The following UMAD1 variants were observed in gnomAD, a reference collection of about 807,000 sequenced individuals.
UMAD1 encodes UBAP1-MVB12-associated (UMA)-domain containing protein 1.
In UMAD1, 8 loss-of-function variants were observed where a neutral mutation model predicts 6.1. The observed-to-expected ratio is 1.30, with a 90% confidence interval of 0.76 to 2.35. UMAD1 has a LOEUF of 2.35. UMAD1 is among the 30% of genes most tolerant of loss of function. UMAD1 has a pLI of 0.00. For missense variants in UMAD1, 130 were observed against 78.4 expected (o/e 1.66, Z -2.49); for synonymous variants, 56 against 31.4 (o/e 1.78, Z -2.61).
chr7:7,754,087 G>C (rs537554134), intron 2 of UMAD1, among the ~76,000 whole-genome samples: 2 of 152,042 alleles, frequency 1.3e-5, no homozygotes, highest in East Asian at 1.9e-4. Flanking sequence ...CAGGAGGCTG[G>C]GGCAGGAGAA....
intron 2 of UMAD1, among the ~76,000 whole-genome samples, chr7:7,730,593 A>G (rs62432611): frequency 0.078 from 11,924 of 152,280 alleles, 555 homozygotes; most frequent in South Asian, 0.12. Flanking sequence ...TTCAAAAGGT[A>G]CACTAGGTGT....
chr7:7,874,790 A>G (rs1436649400), intron 3 of UMAD1, among the ~76,000 whole-genome samples: 2 of 152,212 alleles, frequency 1.3e-5, no homozygotes, highest in African/African-American at 2.4e-5. Flanking sequence ...AGAAATAAGG[A>G]TAGTGATTGA....
chr7:7,747,123 T>C (rs1271382107), intron 2 of UMAD1, among the ~76,000 whole-genome samples: 1 of 152,140 alleles, frequency 6.6e-6, no homozygotes, highest in African/African-American at 2.4e-5. Flanking sequence ...GAAATAGTAA[T>C]GAGATACTTT....
intron 1 of UMAD1, among the ~76,000 whole-genome samples, chr7:7,666,165 C>T (rs1470004483): frequency 6.6e-6 from 1 of 150,642 alleles, no homozygotes; most frequent in African/African-American, 2.4e-5. Context: ...TGCCCTTTGC[C>T]AACACTTGGG....
rs1470344642 is a variant in UMAD1, at chr7:7,875,035, A to T, written c.157-2246A>T. Among the ~76,000 whole-genome samples, 3 of 152,116 alleles carry T rather than the reference A, an allele frequency of 2.0e-5. No individual in the cohort carries two copies. In the East Asian group the frequency reaches 5.8e-4, roughly 29 times the overall value. On this transcript the variant is annotated intron_variant, in intron 3 of 3. Transcript: ENST00000682710. ...GTGATCTGCCCACCTTAACCTCCCAAAGTGCTGGGATTACAGGCGTGAGCC... is the reference window on the plus strand; with the variant it reads ...GTGATCTGCCCACCTTAACCTCCCATAGTGCTGGGATTACAGGCGTGAGCC...
chr7:7,788,069 T>A (rs928373312), intron 2 of UMAD1, among the ~76,000 whole-genome samples: 2 of 152,210 alleles, frequency 1.3e-5, no homozygotes, highest in African/African-American at 4.8e-5. Context: ...TTGGTGCCAG[T>A]CACTTTACCA....
chr7:7,761,895 C>T (rs1781897507), intron 2 of UMAD1, among the ~76,000 whole-genome samples: 1 of 152,146 alleles, frequency 6.6e-6, no homozygotes, highest in Non-Finnish European at 1.5e-5. Flanking sequence ...GCTTCTTATC[C>T]GTCTCCTTTG....
chr7:7,865,006 G>C (rs1386408946), intron 3 of UMAD1, among the ~76,000 whole-genome samples: 2 of 152,216 alleles, frequency 1.3e-5, no homozygotes, highest in Non-Finnish European at 2.9e-5. Flanking sequence ...GGTCCCGGAA[G>C]GGGTGTGGGA....
chr7:7,790,949 G>A (rs1348612108), intron 2 of UMAD1, among the ~76,000 whole-genome samples: 2 of 152,148 alleles, frequency 1.3e-5, no homozygotes, highest in East Asian at 1.9e-4. Flanking sequence ...GGGGTGCAAT[G>A]GTGCGATCTT....
In UMAD1 at chr7:7,742,363, C is replaced by G. The variant is rs560701186; in HGVS notation, c.83-59307C>G. ...GCTTGTTTCTCCTGGGGGCGCTCTT[C>G]CGAGGATATCTGGGCTGCCTCCGGA... On this transcript the variant is annotated intron_variant, in intron 2 of 3. Transcript: ENST00000682710. 422 of 598,184 alleles carry G rather than the reference C, an allele frequency of 7.1e-4. 2 individuals are homozygous for G. In the African/African-American group the frequency reaches 7.1e-3, roughly 10 times the overall value. The allele number at this position is 598,184 out of a possible 1,614,324, so 37.1% of individuals were successfully genotyped here. A position where few individuals can be genotyped will look rare whatever the true frequency, so the allele number is the denominator to read the frequency against.
intron 2 of UMAD1, among the ~76,000 whole-genome samples, chr7:7,777,699 A>T (rs1782246838): frequency 6.6e-6 from 1 of 151,470 alleles, no homozygotes; most frequent in Non-Finnish European, 1.5e-5. Context: ...ATTCTTTGAG[A>T]CAAAATATTT....
intron 2 of UMAD1, chr7:7,736,098 C>G (rs774243108): frequency 2.5e-4 from 38 of 152,368 alleles, no homozygotes; most frequent in Non-Finnish European, 4.4e-4. Context: ...TGTTGTCCTC[C>G]CCAATGTCTT....
intron 3 of UMAD1, among the ~76,000 whole-genome samples, chr7:7,828,162 A>G (rs1438516283): frequency 1.3e-5 from 2 of 152,198 alleles, no homozygotes; most frequent in Non-Finnish European, 2.9e-5. Flanking sequence ...AATTCATTTG[A>G]ATTTACAACC....
chr7:7,694,485 A>G (rs573344549), intron 2 of UMAD1, among the ~76,000 whole-genome samples: 1 of 152,130 alleles, frequency 6.6e-6, no homozygotes, highest in African/African-American at 2.4e-5. Context: ...ATTGTATCAA[A>G]CTATGTATTT....
chr7:7,751,848 G>A (rs1332418496), intron 2 of UMAD1, among the ~76,000 whole-genome samples: 2 of 152,162 alleles, frequency 1.3e-5, no homozygotes, highest in Admixed American at 1.3e-4. Flanking sequence ...AGGTATTTAA[G>A]CATAATTAGT....
Position 7,673,378 on chromosome 7 carries a change from C to G in UMAD1, c.7C>G (p.His3Asp), listed in dbSNP as rs1445165439. 1 of 1,220,476 alleles carries G rather than the reference C, an allele frequency of 8.2e-7. No individual in the cohort carries two copies. The highest frequency in any genetic ancestry group is 2.6e-5 in the East Asian group (1 of 39,180). 75.6% of individuals were successfully genotyped at this position (1,220,476 alleles called of 1,614,324 possible). Residue 3 changes from histidine to aspartate, a missense_variant, in exon 2 of 4, where the codon CAC becomes GAC. Physicochemically the swap from His to Asp is moderately conservative, Grantham distance 81. Transcript: ENST00000682710. ...AGCAGCAGCAGCAGCAGCAATGTTT[C>G]ACTTCTTCAGAAAGCCTCCGGAATC... MF[H>D]FFRKPPESKK...
chr7:7,714,931 G>A (rs1780859187), intron 2 of UMAD1, among the ~76,000 whole-genome samples: 1 of 150,486 alleles, frequency 6.6e-6, no homozygotes, highest in Admixed American at 6.6e-5. Context: ...GCAGAACAGG[G>A]GCACTAGAAT....
chr7:7,832,642 C>T (rs1783488730), intron 3 of UMAD1, among the ~76,000 whole-genome samples: 1 of 152,174 alleles, frequency 6.6e-6, no homozygotes, highest in East Asian at 1.9e-4. Flanking sequence ...TACTCTTTAA[C>T]AGTGCTCTTC....
intron 2 of UMAD1, among the ~76,000 whole-genome samples, chr7:7,735,470 C>G (rs567412149): frequency 2.6e-5 from 4 of 151,156 alleles, no homozygotes; most frequent in African/African-American, 7.3e-5. Flanking sequence ...AGTGCAATGA[C>G]GTGATCTCCG....
Sources: gnomAD v4.1 joint callset for allele counts (sites outside exome capture counted in the v4.1 genomes callset) on GRCh38, gnomAD v4.1.1 for gene constraint, MANE v1.5 for transcripts, NCBI Gene and HGNC (gene_info 2026-07-23, HGNC 2026-07-21) for gene names.